Variants in MSMO1 observed in about 807,000 individuals in gnomAD.
The protein encoded by MSMO1 is methylsterol monooxygenase 1.
In MSMO1, 18 loss-of-function variants were observed where a neutral mutation model predicts 30.4. The observed-to-expected ratio is 0.59, with a 90% CI of 0.41 to 0.88. The LOEUF (loss-of-function observed/expected upper bound fraction) is 0.88. Ranked by LOEUF, MSMO1 falls within the 40% of genes least tolerant of loss-of-function variation. The probability of loss-of-function intolerance (pLI) is 0.00; values close to 1 mark genes in which losing one functional copy is unlikely to be tolerated. For synonymous variants in MSMO1, 84 were observed against 107.9 expected (o/e 0.78, Z 1.37); for missense variants, 284 against 340.5 (o/e 0.83, Z 1.31).
intron 1 of MSMO1, 74 bp from the exon 2 acceptor site, chr4:165,333,266 G>C: frequency 8.2e-7 from 1 of 1,214,786 alleles, no homozygotes; most frequent in Non-Finnish European, 1.2e-6. Flanking sequence ...AATGATCAGA[G>C]GATGCATTTT....
intron 1 of MSMO1, 68 bp from the exon 2 acceptor site, chr4:165,333,272 A>C (rs1747448700): frequency 1.4e-5 from 19 of 1,345,016 alleles, no homozygotes; most frequent in Non-Finnish European, 1.9e-5. Flanking sequence ...CAGAGGATGC[A>C]TTTTTTAACT....
chr4:165,337,923 A>C lies in MSMO1; in HGVS notation c.390A>C (p.Glu130Asp). Residue 130 changes from glutamate (E) to aspartate (D), a missense_variant, in exon 3 of 6, where the codon GAA becomes GAC. By Grantham distance (45) the Glu-to-Asp change is conservative. Transcript: ENST00000261507. ...TEYFNIPYDWERMPRWYFLLA... is the reference protein window; with the variant it reads ...TEYFNIPYDWDRMPRWYFLLA... The stretch of plus-strand genomic sequence containing the variant: ...ATTTCAATATTCCTTATGATTGGGA[A>C]AGAATGCCAAGATGGTACGTAGATA... The C allele has an allele frequency of 6.2e-7, 1 of 1,613,408 alleles. No homozygotes were observed. Among genetic ancestry groups the C allele is most frequent in the Non-Finnish European group, 8.5e-7 (1 of 1,179,650 alleles).
chr4:165,338,338 A>G (rs1438010639), intron 3 of MSMO1, among the ~76,000 whole-genome samples: 1 of 150,672 alleles, frequency 6.6e-6, no homozygotes, highest in South Asian at 2.1e-4. Flanking sequence ...ATACACACAT[A>G]TATATATACA....
intron 4 of MSMO1, 44 bp from the exon 5 acceptor site, chr4:165,340,177 C>A: frequency 6.3e-7 from 1 of 1,587,154 alleles, no homozygotes. Flanking sequence ...AATTGACCAT[C>A]ACAATAGCTA....
chr4:165,336,424 A>G (rs1747545776), intron 2 of MSMO1, among the ~76,000 whole-genome samples: 1 of 152,170 alleles, frequency 6.6e-6, no homozygotes, highest in South Asian at 2.1e-4. Context: ...TTGTATTGCT[A>G]ACTGTCTTTG....
At chr4:165,330,359 G>A (rs1747357015) in intron 1 of MSMO1, among the ~76,000 whole-genome samples, 1 of 152,204 alleles carries the variant, frequency 6.6e-6, no homozygotes, top group Non-Finnish European at 1.5e-5. Context: ...CACAGAAAGT[G>A]CCCAATAATT....
chr4:165,337,816 TG>T lies in MSMO1; in HGVS notation c.285del (p.Trp95Ter), dbSNP rs753308352. Reference sequence around the variant, plus strand: ...TAAGCCAGAGACATGGGAAAACCAATGGAAGTGTTTCAAAGTTCTTCTCTTT... The same window carrying T: ...TAAGCCAGAGACATGGGAAAACCAATGAAGTGTTTCAAAGTTCTTCTCTTT... ...KDKPETWENQ[W>X]KCFKVLLFNH... On this transcript the variant is annotated frameshift_variant, in exon 3 of 6. Coordinates refer to ENST00000261507, the MANE Select transcript of MSMO1 (RefSeq NM_006745.5). LOFTEE classifies it high-confidence loss of function. The T allele has an allele frequency of 1.2e-6, 2 of 1,613,606 alleles. No individual in the cohort carries two copies. Among genetic ancestry groups the T allele is most frequent in the African/African-American group, 2.7e-5 (2 of 74,922 alleles).
intron 2 of MSMO1, among the ~76,000 whole-genome samples, chr4:165,334,705 A>G (rs1331931333): frequency 6.6e-6 from 1 of 152,188 alleles, no homozygotes; most frequent in Non-Finnish European, 1.5e-5. Context: ...AAGATGAATT[A>G]TTTGTTAGAA....
chr4:165,342,046 G>A lies in MSMO1; in HGVS notation c.*100G>A. 2.0e-6 allele frequency: 2 copies of A among 998,562 alleles called. No homozygotes were observed. Among genetic ancestry groups the A allele is most frequent in the Non-Finnish European group, 3.0e-6 (2 of 656,030 alleles). The allele number at this position is 998,562 out of a possible 1,614,324, so 61.9% of individuals were successfully genotyped here. The stretch of plus-strand genomic sequence containing the variant: ...AGAGCAGAAATAAGCATGTCTTCTG[G>A]CTACTAAGTGATAAAAAGAACATTA... On this transcript the variant is annotated 3_prime_UTR_variant, in exon 6 of 6. Transcript: ENST00000261507.
Position 165,337,946 on chromosome 4 carries a change from A to G in MSMO1, c.404+9A>G, listed in dbSNP as rs1453297668. The G allele has an allele frequency of 6.2e-7, 1 of 1,612,998 alleles. No individual in the cohort carries two copies. The highest frequency in any genetic ancestry group is 8.5e-7 in the Non-Finnish European group (1 of 1,179,500). Reference sequence around the variant, plus strand: ...GAAAGAATGCCAAGATGGTACGTAGATAAAAATTTGGCTTTTACACCCAAT... The same window carrying G: ...GAAAGAATGCCAAGATGGTACGTAGGTAAAAATTTGGCTTTTACACCCAAT... On this transcript the variant is annotated intron_variant, in intron 3 of 5. Coordinates refer to ENST00000261507, the MANE Select transcript of MSMO1 (RefSeq NM_006745.5).
chr4:165,328,406 C>T (rs954049030), intron 1 of MSMO1, among the ~76,000 whole-genome samples: 2 of 152,176 alleles, frequency 1.3e-5, no homozygotes, highest in African/African-American at 4.8e-5. Flanking sequence ...GGCAAGCACT[C>T]CCTTGAACTT....
At chr4:165,339,947 G>C (rs1283449690) in intron 4 of MSMO1, among the ~76,000 whole-genome samples, 1 of 152,176 alleles carries the variant, frequency 6.6e-6, no homozygotes, top group Non-Finnish European at 1.5e-5. Flanking sequence ...GGGTTTCAGT[G>C]TTGCAGTCTC....
At position 165,340,320 on chromosome 4, in the gene MSMO1, ATTC is replaced by A; in HGVS notation, c.637_639del (p.Leu213del). ...AATCGTGCTTTTGTGTGATCATGTA[ATTC>A]TTCTTTGGGCATGGGTGACCATTCG... On this transcript the variant is annotated inframe_deletion, in exon 5 of 6. Coordinates refer to ENST00000261507, the MANE Select transcript of MSMO1 (RefSeq NM_006745.5). 2 of 1,613,896 alleles carry A rather than the reference ATTC, an allele frequency of 1.2e-6. No individual in the cohort carries two copies. The highest frequency in any genetic ancestry group is 1.1e-5 in the South Asian group (1 of 91,074).
chr4:165,330,354 A>T (rs972449240), intron 1 of MSMO1, among the ~76,000 whole-genome samples: 7 of 152,242 alleles, frequency 4.6e-5, no homozygotes, highest in African/African-American at 1.7e-4. Context: ...CTTGGCACAG[A>T]AAGTGCCCAA....
intron 3 of MSMO1, among the ~76,000 whole-genome samples, chr4:165,338,327 T>C (rs1290026424): frequency 1.4e-5 from 2 of 140,922 alleles, no homozygotes; most frequent in African/African-American, 2.5e-5. Context: ...TATATATATA[T>C]ATACACACAT....
intron 1 of MSMO1, among the ~76,000 whole-genome samples, chr4:165,332,799 T>A (rs917933622): frequency 9.9e-5 from 15 of 152,260 alleles, no homozygotes; most frequent in Non-Finnish European, 4.4e-5. Flanking sequence ...GTTCTTCTGT[T>A]GTCTTTTTAG....
intron 1 of MSMO1, 115 bp from the exon 2 acceptor site, chr4:165,333,225 T>C: frequency 1.2e-6 from 1 of 827,952 alleles, no homozygotes; most frequent in Non-Finnish European, 1.8e-6. Context: ...TGGTAAAAAA[T>C]TTATACTCCT....
intron 1 of MSMO1, among the ~76,000 whole-genome samples, chr4:165,332,008 ACT>A (rs1747407209): frequency 6.6e-6 from 1 of 151,146 alleles, no homozygotes. Flanking sequence ...ACTCCACCAC[ACT>A]GTCTCCTACC....
chr4:165,341,510 A>G (rs192128186), intron 5 of MSMO1, among the ~76,000 whole-genome samples: 148 of 152,274 alleles, frequency 9.7e-4, no homozygotes, highest in Non-Finnish European at 1.5e-3. Context: ...TCCATCATTC[A>G]TATATTTTAT....
Sources: gnomAD v4.1 joint callset for allele counts (sites outside exome capture counted in the v4.1 genomes callset) on GRCh38, gnomAD v4.1.1 for gene constraint, MANE v1.5 for transcripts, NCBI Gene and HGNC (gene_info 2026-07-23, HGNC 2026-07-21) for gene names.